The following ABCD3 variants were observed in gnomAD, a reference collection of about 807,000 sequenced individuals.
The protein encoded by ABCD3 is ATP-binding cassette sub-family D member 3.
In ABCD3, 41 loss-of-function variants were observed where a neutral mutation model predicts 105.5. The observed-to-expected ratio is 0.39, with a 90% CI of 0.30 to 0.50. The LOEUF (loss-of-function observed/expected upper bound fraction) is 0.50. ABCD3 is among the 20% of genes least tolerant of loss of function. The pLI, the probability that ABCD3 is intolerant of heterozygous loss-of-function variation, is 0.84. For synonymous variants in ABCD3, 258 were observed against 269.0 expected (o/e 0.96, Z 0.40); for missense variants, 622 against 806.3 (o/e 0.77, Z 2.77).
chr1:94,467,908 G>T lies in ABCD3; in HGVS notation c.247-11G>T, dbSNP rs1648229957. ...GCATGTATTTAATTTACTATACCTG[G>T]TTTATTTTAGACAGGTTACTTGGTA... On this transcript the variant is annotated splice_polypyrimidine_tract_variant and intron_variant, in intron 3 of 22. Transcript: ENST00000370214. The T allele has an allele frequency of 1.3e-6, 2 of 1,587,012 alleles. No homozygotes were observed. The highest frequency in any genetic ancestry group is 1.7e-6 in the Non-Finnish European group (2 of 1,156,174).
chr1:94,505,278 A>G (rs532172025), intron 20 of ABCD3, among the ~76,000 whole-genome samples: 1 of 152,096 alleles, frequency 6.6e-6, no homozygotes, highest in Non-Finnish European at 1.5e-5. Flanking sequence ...ATAGCTCACT[A>G]CAGCCTTGAG....
At chr1:94,402,846 A>G in the ABCD3 span, among the ~76,000 whole-genome samples, 1 of 151,784 alleles carries the variant, frequency 6.6e-6, no homozygotes, top group African/African-American at 2.4e-5. Flanking sequence ...GTACATGTGC[A>G]CATTGTGCAG....
At chr1:94,448,912 A>G (rs895100385) in intron 1 of ABCD3, among the ~76,000 whole-genome samples, 1 of 152,230 alleles carries the variant, frequency 6.6e-6, no homozygotes, top group Non-Finnish European at 1.5e-5. Context: ...GGGACACCCC[A>G]TATGCAATTG....
intron 20 of ABCD3, among the ~76,000 whole-genome samples, chr1:94,503,041 A>AT (rs1380376917): frequency 3.9e-5 from 6 of 151,994 alleles, no homozygotes; most frequent in Non-Finnish European, 8.8e-5. Flanking sequence ...ATCTTATGAG[A>AT]TTTTTTTGTG....
At chr1:94,491,095 T>A (rs929727733) in intron 15 of ABCD3, 89 bp from the exon 16 acceptor site, 25 of 932,682 alleles carry the variant, frequency 2.7e-5, no homozygotes, top group Non-Finnish European at 3.9e-5. Flanking sequence ...GCCCATTTTT[T>A]AATCAGGTTA....
rs142348274 is a variant in ABCD3, at chr1:94,503,181, T to G, written c.1741-3357T>G. On this transcript the variant is annotated intron_variant, in intron 20 of 22. Coordinates refer to ENST00000370214, the MANE Select transcript of ABCD3 (RefSeq NM_002858.4). ...AATTGGACACTCCTGCTTTACAACT[T>G]TCTTGTATTGTGGCATTAAGTAGCT... 1.5e-3 allele frequency among the ~76,000 whole-genome samples: 227 copies of G among 152,216 alleles called. 1 individual carries two copies. The highest frequency in any genetic ancestry group is 5.2e-3 in the African/African-American group (214 of 41,524).
intron 1 of ABCD3, among the ~76,000 whole-genome samples, chr1:94,447,527 G>C (rs1228140795): frequency 1.3e-5 from 2 of 152,192 alleles, no homozygotes; most frequent in Admixed American, 6.5e-5. Flanking sequence ...GTTTTCATTG[G>C]AAAGTGTTGC....
the ABCD3 span, among the ~76,000 whole-genome samples, chr1:94,388,645 C>G: frequency 6.6e-6 from 1 of 152,106 alleles, no homozygotes; most frequent in East Asian, 1.9e-4. Flanking sequence ...ATAGCAGTTC[C>G]TATTCAGATC....
chr1:94,414,007 T>A (rs542919677), upstream of ABCD3, among the ~76,000 whole-genome samples: 33 of 152,118 alleles, frequency 2.2e-4, no homozygotes, highest in South Asian at 4.2e-3. Context: ...TAGGAAGGGA[T>A]TCAGGTAGAA....
At chr1:94,455,808 GGT>G in intron 1 of ABCD3, 6 of 1,281,684 alleles carry the variant, frequency 4.7e-6, no homozygotes, top group Non-Finnish European at 6.1e-6. Context: ...CTCATTGGTA[GGT>G]GTGTGTGTAC....
intron 3 of ABCD3, among the ~76,000 whole-genome samples, chr1:94,465,760 T>C (rs948130224): frequency 6.6e-6 from 1 of 152,232 alleles, no homozygotes; most frequent in African/African-American, 2.4e-5. Context: ...GTTCCTTTGC[T>C]TTTTTATCAA....
intron 20 of ABCD3, 67 bp downstream of exon 20, chr1:94,499,681 C>A (rs1457701223): frequency 4.4e-6 from 7 of 1,586,464 alleles, no homozygotes; most frequent in Admixed American, 1.7e-5. Flanking sequence ...AATCAGGACA[C>A]AAAGTTTCAT....
intron 1 of ABCD3, among the ~76,000 whole-genome samples, chr1:94,424,874 C>G (rs1166052716): frequency 2.0e-5 from 3 of 152,180 alleles, no homozygotes; most frequent in Non-Finnish European, 4.4e-5. Flanking sequence ...TCCACAAAGG[C>G]AAGAATTTTT....
chr1:94,477,010 A>C (rs1648779321), intron 7 of ABCD3, among the ~76,000 whole-genome samples: 1 of 151,982 alleles, frequency 6.6e-6, no homozygotes, highest in South Asian at 2.1e-4. Context: ...TATTCTTTAA[A>C]TCTTGGCACT....
intron 21 of ABCD3, among the ~76,000 whole-genome samples, chr1:94,512,143 G>A (rs1288272786): frequency 6.6e-6 from 1 of 151,850 alleles, no homozygotes; most frequent in Non-Finnish European, 1.5e-5. Flanking sequence ...TTGGTCTTTG[G>A]TGACCGTGAT....
the ABCD3 span, among the ~76,000 whole-genome samples, chr1:94,399,612 C>T: frequency 6.6e-6 from 1 of 152,212 alleles, no homozygotes; most frequent in Non-Finnish European, 1.5e-5. Flanking sequence ...ACTCCAAGTC[C>T]ATTGTTCTTT....
At chr1:94,454,095 A>G (rs998513258) in intron 1 of ABCD3, among the ~76,000 whole-genome samples, 20 of 152,246 alleles carry the variant, frequency 1.3e-4, no homozygotes, top group East Asian at 7.7e-4. Context: ...ATGTATATAC[A>G]TATACACGTA....
chr1:94,443,085 G>A (rs2100918516), intron 1 of ABCD3, among the ~76,000 whole-genome samples: 1 of 152,282 alleles, frequency 6.6e-6, no homozygotes, highest in Non-Finnish European at 1.5e-5. Context: ...TCTCACCACA[G>A]TGTGTAAGCA....
chr1:94,419,472 C>T, intron 1 of ABCD3: 1 of 424,140 alleles, frequency 2.4e-6, no homozygotes, highest in Non-Finnish European at 3.2e-6. Flanking sequence ...GTATGTATGT[C>T]ACATACATGC....
Sources: allele counts gnomAD v4.1 joint callset (sites outside exome capture counted in the v4.1 genomes callset), GRCh38; gene constraint gnomAD v4.1.1; transcripts MANE v1.5; gene names NCBI Gene and HGNC (gene_info 2026-07-23, HGNC 2026-07-21).